Variants in ARL15 observed in about 807,000 individuals in gnomAD.
ARL15 encodes the protein ARF like GTPase 15.
A neutral mutation model predicts 25.2 loss-of-function variants in ARL15; 19 were observed. The ratio of observed to expected loss-of-function variants is 0.75; its 90% CI spans 0.53 to 1.10. ARL15 has a LOEUF of 1.10. ARL15 is among the 50% of genes least tolerant of loss of function. The probability of loss-of-function intolerance (pLI) is 0.00; values close to 1 mark genes in which losing one functional copy is unlikely to be tolerated. For synonymous variants in ARL15, 94 were observed against 86.8 expected, an observed-to-expected ratio of 1.08 and a Z score of -0.46; for missense variants, 220 against 246.0, an observed-to-expected ratio of 0.89 and a Z score of 0.71.
chr5:54,083,162 T>C (rs1436797841), intron 4 of ARL15, among the ~76,000 whole-genome samples: 4 of 152,216 alleles, frequency 2.6e-5, no homozygotes, highest in Non-Finnish European at 5.9e-5. Flanking sequence ...ATGACGTCTT[T>C]CTACTGTCTA....
chr5:54,290,829 T>C (rs1445828), intron 1 of ARL15, among the ~76,000 whole-genome samples: 1 of 152,140 alleles, frequency 6.6e-6, no homozygotes, highest in African/African-American at 2.4e-5. Context: ...TTTTCAGCAC[T>C]GTCCTTCTAC....
At chr5:54,010,345 C>T (rs962564142) in intron 4 of ARL15, among the ~76,000 whole-genome samples, 7 of 152,178 alleles carry the variant, frequency 4.6e-5, no homozygotes, top group African/African-American at 1.7e-4. Context: ...ACTTCCAAAA[C>T]ACTGGTCTAA....
chr5:53,958,880 A>G (rs1476280897), intron 4 of ARL15, among the ~76,000 whole-genome samples: 1 of 152,224 alleles, frequency 6.6e-6, no homozygotes, highest in Non-Finnish European at 1.5e-5. Flanking sequence ...ACACATATGC[A>G]CCAAATATCA....
chr5:54,242,186 C>A (rs948337502), intron 1 of ARL15, among the ~76,000 whole-genome samples: 1 of 151,914 alleles, frequency 6.6e-6, no homozygotes, highest in South Asian at 2.1e-4. Context: ...CACACACACA[C>A]AATTAAGTTA....
chr5:54,055,946 T>C (rs1164532002), intron 4 of ARL15, among the ~76,000 whole-genome samples: 1 of 152,202 alleles, frequency 6.6e-6, no homozygotes, highest in Non-Finnish European at 1.5e-5. Flanking sequence ...TTTGGGTTCA[T>C]GGCAGTTACC....
chr5:54,085,440 G>GT (rs1224485666), intron 4 of ARL15, among the ~76,000 whole-genome samples: 4 of 152,228 alleles, frequency 2.6e-5, no homozygotes, highest in East Asian at 1.9e-4. Context: ...TTGAGAATAA[G>GT]TTTTTTTAGA....
At chr5:53,965,313 A>G (rs571650754) in intron 4 of ARL15, among the ~76,000 whole-genome samples, 7 of 152,372 alleles carry the variant, frequency 4.6e-5, no homozygotes, top group East Asian at 3.9e-4. Context: ...GTGGAAGAAG[A>G]TAAGTGGAAG....
At chr5:54,150,731 G>A (rs1289496883) in intron 3 of ARL15, among the ~76,000 whole-genome samples, 2 of 152,044 alleles carry the variant, frequency 1.3e-5, no homozygotes, top group Non-Finnish European at 2.9e-5. Context: ...CCATGAGGCA[G>A]AGGTTGCAGT....
intron 4 of ARL15, among the ~76,000 whole-genome samples, chr5:53,963,805 TCACA>T (rs60458728): frequency 0.19 from 27,027 of 142,920 alleles, 2,666 homozygotes; most frequent in African/African-American, 0.27. Context: ...TGAAACTCCA[TCACA>T]CACACACACA....
At chr5:54,179,269 G>C (rs987150999) in intron 1 of ARL15, among the ~76,000 whole-genome samples, 2 of 152,132 alleles carry the variant, frequency 1.3e-5, no homozygotes, top group African/African-American at 2.4e-5. Flanking sequence ...GCTGGGGTTC[G>C]AGCCAGGGTT....
intron 4 of ARL15, among the ~76,000 whole-genome samples, chr5:54,091,125 C>A (rs1752114818): frequency 6.6e-6 from 1 of 152,090 alleles, no homozygotes; most frequent in Non-Finnish European, 1.5e-5. Context: ...TGGGGAAAAT[C>A]TTTTTCTTCC....
At chr5:54,282,081 A>G (rs35925) in intron 1 of ARL15, among the ~76,000 whole-genome samples, 42,251 of 152,064 alleles carry the variant, frequency 0.28, 7,098 homozygotes, top group African/African-American at 0.48. Context: ...TGAGCTATAT[A>G]CCTAGGAGTA....
chr5:54,180,713 C>T (rs1755031986), intron 1 of ARL15, among the ~76,000 whole-genome samples: 1 of 152,216 alleles, frequency 6.6e-6, no homozygotes, highest in Admixed American at 6.5e-5. Context: ...CTAAATCTGT[C>T]TTTGCCTTAC....
chr5:53,946,446 T>C (rs1341032213), intron 4 of ARL15, among the ~76,000 whole-genome samples: 1 of 108,620 alleles, frequency 9.2e-6, no homozygotes, highest in Non-Finnish European at 1.7e-5. Flanking sequence ...CAAGACTCGG[T>C]CTCAAGAGGA....
At chr5:53,887,925 A>ACATTTTTT (rs368754809) in intron 4 of ARL15, among the ~76,000 whole-genome samples, 2 of 152,314 alleles carry the variant, frequency 1.3e-5, no homozygotes, top group African/African-American at 4.8e-5. Context: ...ATATGTTTGT[A>ACATTTTTT]CATTTTTTCA....
intron 3 of ARL15, among the ~76,000 whole-genome samples, chr5:54,124,215 T>C (rs1229626445): frequency 6.6e-6 from 1 of 152,208 alleles, no homozygotes; most frequent in Non-Finnish European, 1.5e-5. Context: ...GATATTAGAT[T>C]AGGACTTATT....
intron 1 of ARL15, among the ~76,000 whole-genome samples, chr5:54,210,554 C>T (rs563604864): frequency 6.6e-6 from 1 of 152,162 alleles, no homozygotes; most frequent in Non-Finnish European, 1.5e-5. Flanking sequence ...AACATTCTAT[C>T]CCCCAGAATA....
At chr5:53,895,753 A>G (rs1033572062) in intron 4 of ARL15, among the ~76,000 whole-genome samples, 5 of 151,678 alleles carry the variant, frequency 3.3e-5, no homozygotes, top group African/African-American at 1.2e-4. Context: ...GGGTGCATTT[A>G]TAAACTAAGT....
chr5:53,966,445 C>T (rs1347410568), intron 4 of ARL15, among the ~76,000 whole-genome samples: 1 of 152,192 alleles, frequency 6.6e-6, no homozygotes, highest in African/African-American at 2.4e-5. Flanking sequence ...CTGTGTGCTG[C>T]TCCAGCAAGT....
Sources: gnomAD v4.1 joint callset for allele counts (sites outside exome capture counted in the v4.1 genomes callset) on GRCh38, gnomAD v4.1.1 for gene constraint, MANE v1.5 for transcripts, NCBI Gene and HGNC (gene_info 2026-07-23, HGNC 2026-07-21) for gene names.